Variants in CFAP299 observed in about 807,000 individuals in gnomAD.
CFAP299 encodes cilia and flagella associated protein 299.
In CFAP299, 21 loss-of-function variants were observed where a neutral mutation model predicts 27.0. The ratio of observed to expected loss-of-function variants is 0.78; its 90% CI spans 0.55 to 1.12. The LOEUF (loss-of-function observed/expected upper bound fraction) is 1.12. Among genes scored for constraint, CFAP299 ranks in the 50% most tolerant of loss-of-function variants. The pLI is 0.00. For synonymous variants in CFAP299, 104 were observed against 98.1 expected (o/e 1.06, Z -0.36); for missense variants, 310 against 276.6 (o/e 1.12, Z -0.86).
intron 2 of CFAP299, among the ~76,000 whole-genome samples, chr4:80,476,351 G>C (rs1730273430): frequency 6.6e-6 from 1 of 152,186 alleles, no homozygotes. Flanking sequence ...TTAGTGATGA[G>C]TAACTCACTG....
Position 80,871,640 on chromosome 4 carries a change from A to G in CFAP299, c.476+1505A>G, listed in dbSNP as rs74865203. ...CCTCTTGTTTTTCATCACCACCTTT[A>G]TAACTAATAATTTATTAAAAACACT... On this transcript the variant is annotated intron_variant, in intron 4 of 5. Coordinates refer to ENST00000358105, the MANE Select transcript of CFAP299 (RefSeq NM_152770.3). The G allele has an allele frequency of 9.8e-3, 9,599 of 981,056 alleles. 55 individuals carry two copies. The highest frequency in any genetic ancestry group is 0.017 in the Middle Eastern group (33 of 1,908). 60.8% of individuals were successfully genotyped at this position (981,056 alleles called of 1,614,324 possible). A position where few individuals can be genotyped will look rare whatever the true frequency, so the allele number is the denominator to read the frequency against.
intron 3 of CFAP299, among the ~76,000 whole-genome samples, chr4:80,849,774 A>T (rs932558296): frequency 6.6e-6 from 1 of 152,158 alleles, no homozygotes; most frequent in Non-Finnish European, 1.5e-5. Context: ...AGTTGCAATT[A>T]GATGGGTGGA....
chr4:80,706,071 G>C (rs1721800515), intron 3 of CFAP299, among the ~76,000 whole-genome samples: 1 of 151,800 alleles, frequency 6.6e-6, no homozygotes, highest in Non-Finnish European at 1.5e-5. Context: ...ATGTGTTGAA[G>C]TGCATATGTT....
At chr4:80,446,112 GAGGA>G (rs1728602950) in intron 2 of CFAP299, among the ~76,000 whole-genome samples, 1 of 152,304 alleles carries the variant, frequency 6.6e-6, no homozygotes, top group Admixed American at 6.5e-5. Context: ...TGAGAGCAAT[GAGGA>G]AGAAGAGAGA....
intron 2 of CFAP299, among the ~76,000 whole-genome samples, chr4:80,402,087 A>G (rs1338533111): frequency 1.3e-5 from 2 of 152,208 alleles, no homozygotes; most frequent in African/African-American, 4.8e-5. Flanking sequence ...CATTGCATCC[A>G]GGAAGTAACT....
chr4:80,954,781 C>T (rs1213998249), intron 5 of CFAP299, among the ~76,000 whole-genome samples: 2 of 151,734 alleles, frequency 1.3e-5, no homozygotes, highest in Admixed American at 1.3e-4. Context: ...GGGCGGACCA[C>T]GAGGTCAGGT....
chr4:80,476,047 A>G (rs1178166880), intron 2 of CFAP299, among the ~76,000 whole-genome samples: 1 of 152,240 alleles, frequency 6.6e-6, no homozygotes, highest in Non-Finnish European at 1.5e-5. Flanking sequence ...ATGGTGCTGT[A>G]ATAATGCTGT....
At chr4:80,689,951 A>G (rs1480746912) in intron 3 of CFAP299, among the ~76,000 whole-genome samples, 3 of 151,180 alleles carry the variant, frequency 2.0e-5, no homozygotes, top group African/African-American at 7.4e-5. Flanking sequence ...AAAGAAGGCC[A>G]TTACATAATG....
At chr4:80,888,072 AAAGAG>A (rs1401038882) in intron 4 of CFAP299, among the ~76,000 whole-genome samples, 1 of 152,086 alleles carries the variant, frequency 6.6e-6, no homozygotes, top group African/African-American at 2.4e-5. Context: ...AGGAAAGAAG[AAAGAG>A]AAGACCATTA....
intron 3 of CFAP299, among the ~76,000 whole-genome samples, chr4:80,692,584 T>C (rs199843244): frequency 3.9e-5 from 6 of 152,026 alleles, no homozygotes; most frequent in African/African-American, 1.5e-4. Context: ...CCTAAAACCA[T>C]AAAAAACCCT....
chr4:80,329,208 C>CATATACAT, the CFAP299 span, among the ~76,000 whole-genome samples: 1 of 136,046 alleles, frequency 7.4e-6, no homozygotes, highest in African/African-American at 2.9e-5. Flanking sequence ...ACACTGTATA[C>CATATACAT]ATATATATAT....
intron 4 of CFAP299, among the ~76,000 whole-genome samples, chr4:80,873,361 C>T (rs1490093491): frequency 6.6e-6 from 1 of 152,140 alleles, no homozygotes; most frequent in East Asian, 1.9e-4. Context: ...TGTCAATAGA[C>T]AGCTGCTACT....
At position 80,547,157 on chromosome 4, in the gene CFAP299, A is replaced by G. The variant is rs534650021; in HGVS notation, c.243-35936A>G. The stretch of plus-strand genomic sequence containing the variant: ...GTACAAGGCTAACAACCAAAATAGC[A>G]TGGTACTCATATAAAAACAGACACA... On this transcript the variant is annotated intron_variant, in intron 2 of 5. Transcript: ENST00000358105. Among the ~76,000 whole-genome samples the G allele has an allele frequency of 3.9e-5, 6 of 152,274 alleles. No individual in the cohort carries two copies. The East Asian group carries it at 1.2e-3, about 29-fold the overall frequency.
chr4:80,511,715 A>G (rs1347619219), intron 2 of CFAP299, among the ~76,000 whole-genome samples: 1 of 152,148 alleles, frequency 6.6e-6, no homozygotes, highest in African/African-American at 2.4e-5. Context: ...GTGGCATTTT[A>G]TAAAGCTACT....
chr4:80,924,219 A>G (rs1560478683), intron 4 of CFAP299, among the ~76,000 whole-genome samples: 1 of 151,980 alleles, frequency 6.6e-6, no homozygotes, highest in African/African-American at 2.4e-5. Flanking sequence ...ACTTTTGTTC[A>G]CATTTATCCA....
chr4:80,587,872 A>C (rs1736529142), intron 3 of CFAP299, among the ~76,000 whole-genome samples: 1 of 144,080 alleles, frequency 6.9e-6, no homozygotes, highest in Non-Finnish European at 1.5e-5. Context: ...CTACTGCATT[A>C]TGGATGTTCA....
chr4:80,521,954 CCT>C (rs1176577326), intron 2 of CFAP299, among the ~76,000 whole-genome samples: 1 of 151,776 alleles, frequency 6.6e-6, no homozygotes, highest in Non-Finnish European at 1.5e-5. Flanking sequence ...TTTTCCAGAC[CCT>C]GTTTTCAATT....
At chr4:80,687,928 A>G (rs974168351) in intron 3 of CFAP299, among the ~76,000 whole-genome samples, 4 of 152,192 alleles carry the variant, frequency 2.6e-5, no homozygotes, top group Non-Finnish European at 5.9e-5. Flanking sequence ...AAGGGGTGAC[A>G]GACGGCACCT....
At position 80,728,232 on chromosome 4, in the gene CFAP299, A is replaced by G. The variant is rs1723271429; in HGVS notation, c.334-141761A>G. On this transcript the variant is annotated intron_variant, in intron 3 of 5. Transcript: ENST00000358105. Reference sequence around the variant, plus strand: ...CCTTATGTTTCAAAACTTATAGAATATTCTTTTTTAAAAAATAATTTTCGA... The same window carrying G: ...CCTTATGTTTCAAAACTTATAGAATGTTCTTTTTTAAAAAATAATTTTCGA... Among the ~76,000 whole-genome samples the G allele has an allele frequency of 2.0e-5, 3 of 152,084 alleles. No individual in the cohort carries two copies. In the South Asian group the frequency reaches 6.2e-4, roughly 31 times the overall value.
Sources: gnomAD v4.1 joint callset for allele counts (sites outside exome capture counted in the v4.1 genomes callset) on GRCh38, gnomAD v4.1.1 for gene constraint, MANE v1.5 for transcripts, NCBI Gene and HGNC (gene_info 2026-07-23, HGNC 2026-07-21) for gene names.